RABEP1: variants seen among roughly 807,000 people sequenced by gnomAD.
RABEP1 encodes the protein rab GTPase-binding effector protein 1.
Under a neutral mutation model 123.4 loss-of-function variants are expected in RABEP1, and 51 were observed. That is an observed-to-expected ratio of 0.41 (90% CI 0.33 to 0.52). RABEP1 has a LOEUF of 0.52. RABEP1 is among the 20% of genes least tolerant of loss of function. The probability of loss-of-function intolerance (pLI) is 0.16; values close to 1 mark genes in which losing one functional copy is unlikely to be tolerated. For missense variants in RABEP1, 888 were observed against 996.3 expected, an observed-to-expected ratio of 0.89 and a Z score of 1.46; for synonymous variants, 347 against 355.2, an observed-to-expected ratio of 0.98 and a Z score of 0.26.
chr17:5,296,893 C>T (rs2075088657), intron 1 of RABEP1, among the ~76,000 whole-genome samples: 1 of 152,094 alleles, frequency 6.6e-6, no homozygotes, highest in Non-Finnish European at 1.5e-5. Flanking sequence ...GTGTGCACCA[C>T]CACATCTGGC....
At chr17:5,306,760 CT>C (rs35030636) in intron 1 of RABEP1, among the ~76,000 whole-genome samples, 17,694 of 151,958 alleles carry the variant, frequency 0.12, 1,801 homozygotes, top group East Asian at 0.49. Context: ...TTGATTGCTA[CT>C]TTTTTTTGTT....
intron 1 of RABEP1, among the ~76,000 whole-genome samples, chr17:5,288,049 G>T (rs1419502993): frequency 1.3e-5 from 2 of 152,046 alleles, no homozygotes; most frequent in African/African-American, 2.4e-5. Flanking sequence ...CTGACGGATT[G>T]AATATGGGAT....
At chr17:5,317,823 C>G (rs1376681799) in intron 2 of RABEP1, among the ~76,000 whole-genome samples, 1 of 152,148 alleles carries the variant, frequency 6.6e-6, no homozygotes, top group African/African-American at 2.4e-5. Flanking sequence ...AACCCTACCT[C>G]CCAACCTCCA....
intron 14 of RABEP1, 118 bp from the exon 15 acceptor site, chr17:5,378,059 G>A (rs566564535): frequency 9.7e-6 from 7 of 719,178 alleles, no homozygotes; most frequent in Admixed American, 3.0e-5. Context: ...GACAGCCCCC[G>A]GAACCCATGT....
intron 5 of RABEP1, among the ~76,000 whole-genome samples, chr17:5,343,887 G>A (rs1466735721): frequency 6.6e-6 from 1 of 151,602 alleles, no homozygotes; most frequent in African/African-American, 2.4e-5. Flanking sequence ...TGTTGGCCAG[G>A]CTGGTCTCGA....
intron 7 of RABEP1, 105 bp downstream of exon 7, chr17:5,350,734 G>A (rs1265823519): frequency 4.2e-6 from 5 of 1,177,636 alleles, no homozygotes; most frequent in Non-Finnish European, 4.8e-6. Flanking sequence ...GCTGCAACAA[G>A]GTGATAAAGG....
chr17:5,380,327 G>A, intron 15 of RABEP1, 37 bp from the exon 16 acceptor site: 1 of 1,417,358 alleles, frequency 7.1e-7, no homozygotes. Flanking sequence ...GGCCCAGAGG[G>A]AGTTTCTGTG....
At chr17:5,314,735 G>A (rs1336993435) in intron 2 of RABEP1, among the ~76,000 whole-genome samples, 1 of 152,106 alleles carries the variant, frequency 6.6e-6, no homozygotes, top group African/African-American at 2.4e-5. Flanking sequence ...AGCCATGATG[G>A]TCTCGATCTC....
intron 1 of RABEP1, among the ~76,000 whole-genome samples, chr17:5,296,800 G>T (rs1247649133): frequency 6.6e-6 from 1 of 152,208 alleles, no homozygotes; most frequent in African/African-American, 2.4e-5. Flanking sequence ...CAGCTGGAGT[G>T]CAGTGGTACA....
At chr17:5,364,043 T>C (rs1023112724) in intron 10 of RABEP1, among the ~76,000 whole-genome samples, 1 of 152,242 alleles carries the variant, frequency 6.6e-6, no homozygotes, top group African/African-American at 2.4e-5. Flanking sequence ...AGAATGATGG[T>C]TTAATATTTT....
At chr17:5,318,637 C>T (rs189795465) in intron 2 of RABEP1, among the ~76,000 whole-genome samples, 1 of 152,252 alleles carries the variant, frequency 6.6e-6, no homozygotes, top group East Asian at 1.9e-4. Flanking sequence ...ATGAGTTATA[C>T]GAATCTCTCT....
intron 10 of RABEP1, among the ~76,000 whole-genome samples, chr17:5,364,743 CTT>C (rs1909870188): frequency 6.6e-6 from 1 of 150,862 alleles, no homozygotes; most frequent in African/African-American, 2.4e-5. Context: ...ACCCTGAAGA[CTT>C]TGAGAGGCAT....
intron 6 of RABEP1, 32 bp downstream of exon 6, chr17:5,346,957 C>G (rs1159620872): frequency 1.3e-5 from 19 of 1,510,818 alleles, no homozygotes; most frequent in Non-Finnish European, 1.6e-5. Context: ...ATCTTTGTCT[C>G]TAAGAACCAT....
rs950085853 is a variant in RABEP1 at position 5,282,319 on chromosome 17, C to T, written c.-168C>T. On this transcript the variant is annotated 5_prime_UTR_variant, in exon 1 of 18. Coordinates refer to ENST00000537505, the MANE Select transcript of RABEP1 (RefSeq NM_004703.6). ...GGAGGCGGAGGTCGGCGGTCGGGTCCGTCTCTGCCCGCGGCTGTGGCGGCG... is the reference window on the plus strand; with the variant it reads ...GGAGGCGGAGGTCGGCGGTCGGGTCTGTCTCTGCCCGCGGCTGTGGCGGCG... 3.3e-5 allele frequency: 15 copies of T among 455,266 alleles called. No individual in the cohort carries two copies. Among genetic ancestry groups the T allele is most frequent in the East Asian group, 1.8e-4 (5 of 28,244 alleles). 28.2% of individuals were successfully genotyped at this position (455,266 alleles called of 1,614,324 possible).
chr17:5,371,125 CCTGGAGAA>C (rs1195405878), intron 12 of RABEP1: 5 of 152,172 alleles, frequency 3.3e-5, no homozygotes, highest in Admixed American at 2.0e-4. Context: ...CGCCACCACG[CCTGGAGAA>C]TTTTTTGTTT....
At chr17:5,305,133 T>A (rs1432463489) in intron 1 of RABEP1, among the ~76,000 whole-genome samples, 2 of 152,238 alleles carry the variant, frequency 1.3e-5, no homozygotes, top group Non-Finnish European at 2.9e-5. Flanking sequence ...AGGATATGCT[T>A]ATTTGTAAAC....
intron 1 of RABEP1, among the ~76,000 whole-genome samples, chr17:5,306,718 TTCTGG>T (rs1168826743): frequency 6.6e-6 from 1 of 152,128 alleles, no homozygotes; most frequent in Non-Finnish European, 1.5e-5. Context: ...TGGAAGTGAC[TTCTGG>T]TCTTTTCTGG....
chr17:5,321,492 C>T (rs76021678), intron 2 of RABEP1, among the ~76,000 whole-genome samples: 2,290 of 152,070 alleles, frequency 0.015, 63 homozygotes, highest in African/African-American at 0.052. Context: ...TGCCTGTGGT[C>T]CCAGATACAC....
At chr17:5,329,818 C>T (rs1461310372) in intron 2 of RABEP1, among the ~76,000 whole-genome samples, 7 of 143,090 alleles carry the variant, frequency 4.9e-5, no homozygotes, top group Non-Finnish European at 3.1e-5. Context: ...TATATATGTT[C>T]ATATATATAT....
Sources: allele counts gnomAD v4.1 joint callset (sites outside exome capture counted in the v4.1 genomes callset), GRCh38; gene constraint gnomAD v4.1.1; transcripts MANE v1.5; gene names NCBI Gene and HGNC (gene_info 2026-07-23, HGNC 2026-07-21).